The following FBXO33 variants were observed in gnomAD, a reference collection of about 807,000 sequenced individuals.
FBXO33 encodes the protein F-box only protein 33.
A neutral mutation model predicts 46.3 loss-of-function variants in FBXO33; 22 were observed. That is an observed-to-expected ratio of 0.48 (90% CI 0.34 to 0.68). The LOEUF (loss-of-function observed/expected upper bound fraction) is 0.68. FBXO33 is among the 30% of genes least tolerant of loss of function. FBXO33 has a pLI of 0.01. For synonymous variants in FBXO33, 337 were observed against 291.3 expected, an observed-to-expected ratio of 1.16 and a Z score of -1.60; for missense variants, 692 against 708.8, an observed-to-expected ratio of 0.98 and a Z score of 0.27.
chr14:39,401,027 A>C, intron 3 of FBXO33, 149 bp downstream of exon 3: 1 of 690,024 alleles, frequency 1.4e-6, no homozygotes, highest in Non-Finnish European at 2.2e-6. Context: ...TAAGTGATAT[A>C]TCTTGCAAAC....
In FBXO33 at chr14:39,431,746, C is replaced by A. The variant is rs914768502; in HGVS notation, c.417G>T (p.Leu139=). The change falls in exon 1 of 4, where the codon CTG becomes CTT. Residue 139 remains leucine (L), a synonymous_variant. Coordinates refer to ENST00000298097, the MANE Select transcript of FBXO33 (RefSeq NM_203301.4). Reference sequence around the variant, plus strand: ...AGTTCTCGGCGGCGAATTCAACACGCAGCTCTCGCACGAACCAGCCGCACT... The same window carrying A: ...AGTTCTCGGCGGCGAATTCAACACGAAGCTCTCGCACGAACCAGCCGCACT... ...MRKCGWFVRE[L]RVEFAAENYL... 7 of 1,612,996 alleles carry A rather than the reference C, an allele frequency of 4.3e-6. No homozygotes were observed. The highest frequency in any genetic ancestry group is 5.9e-6 in the Non-Finnish European group (7 of 1,179,978).
chr14:39,419,076 A>G (rs2139415054), intron 1 of FBXO33, among the ~76,000 whole-genome samples: 1 of 152,344 alleles, frequency 6.6e-6, no homozygotes, highest in Non-Finnish European at 1.5e-5. Context: ...CTCCTGTTGT[A>G]GATGAAGAAA....
At chr14:39,415,762 G>A (rs932092648) in intron 1 of FBXO33, among the ~76,000 whole-genome samples, 20 of 152,084 alleles carry the variant, frequency 1.3e-4, no homozygotes, top group African/African-American at 4.8e-4. Context: ...TGCCTCCTAG[G>A]TTCAAGTGAT....
chr14:39,408,550 T>C (rs1221548077), intron 1 of FBXO33, among the ~76,000 whole-genome samples: 1 of 152,064 alleles, frequency 6.6e-6, no homozygotes, highest in Non-Finnish European at 1.5e-5. Context: ...TCTCACTCTG[T>C]GGTCCAGGCT....
At chr14:39,409,991 T>C (rs1397585749) in intron 1 of FBXO33, among the ~76,000 whole-genome samples, 1 of 152,198 alleles carries the variant, frequency 6.6e-6, no homozygotes, top group African/African-American at 2.4e-5. Flanking sequence ...CAGACAATTT[T>C]AGTTTTTCTT....
At position 39,401,371 on chromosome 14, in the gene FBXO33, T is replaced by C. The variant is rs781363717; in HGVS notation, c.1201A>G (p.Ser401Gly). Residue 401 changes from serine to glycine, a missense_variant, in exon 3 of 4, where the codon AGC (serine) becomes GGC (glycine). Physicochemically the swap from Ser to Gly is moderately conservative, Grantham distance 56. Around this residue, in one of 3 missense-constraint regions of FBXO33, gnomAD observed 186 missense variants for 246.1 expected, o/e 0.76. Coordinates refer to ENST00000298097, the MANE Select transcript of FBXO33 (RefSeq NM_203301.4). ...GCCCCTGAAACACAAGTGATATAGC[T>C]ATCAAAATGAATCCTCTCTAGTGGT... The part of the protein sequence containing the change: ...SIPLERIHFD[S>G]YITCVSGAIV... 4 of 1,614,160 alleles carry C rather than the reference T, an allele frequency of 2.5e-6. No homozygotes were observed. In the South Asian group the frequency reaches 4.4e-5, roughly 18 times the overall value.
Position 39,400,428 on chromosome 14 carries a change from C to T in FBXO33, c.1397-641G>A, listed in dbSNP as rs114847562. On this transcript the variant is annotated intron_variant, in intron 3 of 3. Transcript: ENST00000298097. ...CTGGCTTAAATTAACTTTTAAATAA[C>T]CTGATATGTCTTTAGCCCATTGTGT... Among the ~76,000 whole-genome samples the T allele has an allele frequency of 8.0e-3, 1,221 of 152,186 alleles. 16 individuals are homozygous for T. Among genetic ancestry groups the T allele is most frequent in the African/African-American group, 0.027 (1,124 of 41,530 alleles).
chr14:39,399,439 A>G lies in FBXO33; in HGVS notation c.*77T>C. 7.7e-7 allele frequency: 1 copy of G among 1,297,586 alleles called. No individual in the cohort carries two copies. Among genetic ancestry groups the G allele is most frequent in the Non-Finnish European group, 1.1e-6 (1 of 944,200 alleles). The allele number at this position is 1,297,586 out of a possible 1,614,324, so 80.4% of individuals were successfully genotyped here. A position where few individuals can be genotyped will look rare whatever the true frequency, so the allele number is the denominator to read the frequency against. ...GATTAAACACAGCACAAAAGGATTA[A>G]TTCACACTACTGAAAAAAAAACATA... On this transcript the variant is annotated 3_prime_UTR_variant, in exon 4 of 4. Coordinates refer to ENST00000298097, the MANE Select transcript of FBXO33 (RefSeq NM_203301.4).
chr14:39,399,765 G>A lies in FBXO33; in HGVS notation c.1419C>T (p.Asn473=), dbSNP rs2075360273. ...AIHGYTVWAH[N]LIAIARLRGS... ...CCCGAAGACGAGCAATGGCAATGAG[G>A]TTGTGTGCCCACACCGTGTAACCTG... Residue 473 remains asparagine (N), a synonymous_variant, in exon 4 of 4, where the codon AAC becomes AAT. Coordinates refer to ENST00000298097, the MANE Select transcript of FBXO33 (RefSeq NM_203301.4). 1 of 1,605,636 alleles carries A rather than the reference G, an allele frequency of 6.2e-7. No individual in the cohort carries two copies. The highest frequency in any genetic ancestry group is 8.5e-7 in the Non-Finnish European group (1 of 1,173,452).
chr14:39,430,165 T>C (rs895106528), intron 1 of FBXO33, among the ~76,000 whole-genome samples: 1 of 152,210 alleles, frequency 6.6e-6, no homozygotes, highest in Non-Finnish European at 1.5e-5. Context: ...AGCCATACAT[T>C]CAACTCTGAG....
At position 39,399,689 on chromosome 14, in the gene FBXO33, G is replaced by C. The variant is rs777923278; in HGVS notation, c.1495C>G (p.Gln499Glu). The change falls in exon 4 of 4, where the codon CAA (glutamine) becomes GAA (glutamate). Residue 499 changes from glutamine (Q) to glutamate (E), a missense_variant. Gln to Glu is a conservative substitution (Grantham distance 29). Around this residue, in one of 3 missense-constraint regions of FBXO33, gnomAD observed 94 missense variants for 91.9 expected, o/e 1.02. Coordinates refer to ENST00000298097, the MANE Select transcript of FBXO33 (RefSeq NM_203301.4). ...ACATCCTGGTCGGCCAGTTCACCTT[G>C]GTCAAAATCAATGCTTTCTTCGGTG... is the stretch of plus-strand genomic sequence containing the variant. Reference protein sequence around the residue: ...EVTEESIDFDQGELADQDVDP... With the variant: ...EVTEESIDFDEGELADQDVDP... 6.2e-7 allele frequency: 1 copy of C among 1,613,972 alleles called. No individual in the cohort carries two copies.
intron 1 of FBXO33, among the ~76,000 whole-genome samples, chr14:39,408,270 T>C (rs957190576): frequency 1.3e-5 from 2 of 152,104 alleles, no homozygotes; most frequent in African/African-American, 2.4e-5. Context: ...ATAATAGACA[T>C]GCTAAGATGT....
At chr14:39,410,129 G>T (rs766157871) in intron 1 of FBXO33, among the ~76,000 whole-genome samples, 2 of 152,120 alleles carry the variant, frequency 1.3e-5, no homozygotes, top group Admixed American at 1.3e-4. Flanking sequence ...AACGGTTCCG[G>T]TTTTTCACTA....
intron 3 of FBXO33, among the ~76,000 whole-genome samples, chr14:39,400,832 T>TC (rs973805272): frequency 6.6e-6 from 1 of 152,192 alleles, no homozygotes; most frequent in African/African-American, 2.4e-5. Flanking sequence ...TACATTCTCT[T>TC]CCCCCGCACT....
At chr14:39,401,939 C>T in intron 2 of FBXO33, 78 bp from the exon 3 acceptor site, 1 of 1,156,706 alleles carries the variant, frequency 8.6e-7, no homozygotes, top group Non-Finnish European at 1.2e-6. Flanking sequence ...TGAAAATAGG[C>T]AATGAAAAGC....
intron 1 of FBXO33, among the ~76,000 whole-genome samples, chr14:39,425,910 A>C (rs1431915465): frequency 6.6e-6 from 1 of 152,192 alleles, no homozygotes; most frequent in Non-Finnish European, 1.5e-5. Flanking sequence ...CAACATTAGA[A>C]CCCAGAAATA....
At chr14:39,421,815 CACA>C (rs1193383333) in intron 1 of FBXO33, among the ~76,000 whole-genome samples, 1 of 145,660 alleles carries the variant, frequency 6.9e-6, no homozygotes, top group Non-Finnish European at 1.5e-5. Context: ...CACACACACA[CACA>C]AACACACGCA....
At chr14:39,411,519 T>C (rs1016149832) in intron 1 of FBXO33, among the ~76,000 whole-genome samples, 14 of 150,330 alleles carry the variant, frequency 9.3e-5, no homozygotes, top group South Asian at 2.1e-4. Context: ...TTATTTGACT[T>C]CCCCCCCCTT....
chr14:39,399,389 TA>T lies in FBXO33; in HGVS notation c.*126del, dbSNP rs2075357992. On this transcript the variant is annotated 3_prime_UTR_variant, in exon 4 of 4. Coordinates refer to ENST00000298097, the MANE Select transcript of FBXO33 (RefSeq NM_203301.4). ...CTTTGATCAAGAAGTAGAATATACA[TA>T]TATAATTCTATAAAGCTAATACTGA... 3.7e-6 allele frequency: 3 copies of T among 803,964 alleles called. No homozygotes were observed. The African/African-American group carries it at 5.2e-5, about 14-fold the overall frequency. The allele number at this position is 803,964 out of a possible 1,614,324, so 49.8% of individuals were successfully genotyped here.
Sources: allele counts gnomAD v4.1 joint callset (sites outside exome capture counted in the v4.1 genomes callset), GRCh38; gene constraint gnomAD v4.1.1; regional missense constraint gnomAD v4.1.1; transcripts MANE v1.5; gene names NCBI Gene and HGNC (gene_info 2026-07-23, HGNC 2026-07-21).